FAM227B: variants seen among roughly 807,000 people sequenced by gnomAD.
FAM227B encodes family with sequence similarity 227 member B, also known as protein FAM227B.
In FAM227B, 88 loss-of-function variants were observed where a neutral mutation model predicts 73.8. The observed-to-expected ratio is 1.19, with a 90% confidence interval of 1.00 to 1.42. The LOEUF is 1.42. Among genes scored for constraint, FAM227B ranks in the 40% most tolerant of loss-of-function variants. The pLI is 0.00. For missense variants in FAM227B, 632 were observed against 590.9 expected (o/e 1.07, Z -0.72); for synonymous variants, 210 against 190.5 (o/e 1.10, Z -0.84).
At chr15:49,355,364 A>G (rs902492566) in intron 13 of FAM227B, among the ~76,000 whole-genome samples, 6 of 152,218 alleles carry the variant, frequency 3.9e-5, no homozygotes, top group Non-Finnish European at 8.8e-5. Context: ...AGTATGTATA[A>G]CTAGAATAAC....
At chr15:49,457,024 T>C (rs2053361757) in intron 11 of FAM227B, among the ~76,000 whole-genome samples, 1 of 152,084 alleles carries the variant, frequency 6.6e-6, no homozygotes, top group Non-Finnish European at 1.5e-5. Flanking sequence ...TGAATCTAGA[T>C]TTAAAGCCAT....
chr15:49,352,729 C>T (rs915730625), intron 13 of FAM227B, among the ~76,000 whole-genome samples: 2 of 152,116 alleles, frequency 1.3e-5, no homozygotes, highest in African/African-American at 4.8e-5. Flanking sequence ...CATCACAGCG[C>T]ACTTCAAGAC....
chr15:49,367,702 C>T, intron 12 of FAM227B, 94 bp from the exon 13 acceptor site: 1 of 1,151,536 alleles, frequency 8.7e-7, no homozygotes, highest in Middle Eastern at 2.8e-4. Context: ...CATAAAGTTA[C>T]CATTTGATAT....
intron 11 of FAM227B, among the ~76,000 whole-genome samples, chr15:49,479,699 C>T (rs1369646215): frequency 4.6e-4 from 69 of 149,498 alleles, no homozygotes; most frequent in African/African-American, 1.6e-3. Context: ...CTGCAACCTC[C>T]GCCTCCCAGG....
Position 49,367,547 on chromosome 15 carries a change from C to CTCTG in FAM227B, c.1168_1171dup (p.Ser391ThrfsTer10). The stretch of plus-strand genomic sequence containing the variant: ...CTTAAGATAATATAAAATCAATGGA[C>CTCTG]TCTGACCTCCAAAATTGAAGAGAAC... On this transcript the variant is annotated frameshift_variant, in exon 13 of 16. Coordinates refer to ENST00000299338, the MANE Select transcript of FAM227B (RefSeq NM_152647.3). LOFTEE classifies it high-confidence loss of function. The CTCTG allele has an allele frequency of 6.2e-7, 1 of 1,606,200 alleles. No homozygotes were observed. The highest frequency in any genetic ancestry group is 8.5e-7 in the Non-Finnish European group (1 of 1,178,266).
chr15:49,465,314 T>C (rs1214429297), intron 11 of FAM227B, among the ~76,000 whole-genome samples: 1 of 151,062 alleles, frequency 6.6e-6, no homozygotes, highest in African/African-American at 2.4e-5. Context: ...CTTTTTTTTT[T>C]TTTTGGTAGA....
At chr15:49,396,676 T>C (rs1197272728) in intron 11 of FAM227B, among the ~76,000 whole-genome samples, 1 of 151,596 alleles carries the variant, frequency 6.6e-6, no homozygotes. Context: ...CCTCCTCAAG[T>C]GGGTCCCTGA....
chr15:49,399,283 C>A (rs1367274329), intron 11 of FAM227B, among the ~76,000 whole-genome samples: 1 of 127,886 alleles, frequency 7.8e-6, no homozygotes, highest in Non-Finnish European at 1.7e-5. Context: ...CATACACTCT[C>A]CCAAGACTAA....
chr15:49,552,839 T>A (rs2073196528), intron 9 of FAM227B, among the ~76,000 whole-genome samples: 1 of 152,156 alleles, frequency 6.6e-6, no homozygotes, highest in Non-Finnish European at 1.5e-5. Flanking sequence ...ATCTCTTTGT[T>A]AAGTTTATCT....
chr15:49,421,874 A>C (rs1316704706), intron 11 of FAM227B, among the ~76,000 whole-genome samples: 1 of 152,130 alleles, frequency 6.6e-6, no homozygotes, highest in Non-Finnish European at 1.5e-5. Context: ...TCAGCTTTCT[A>C]GCTTTCAACA....
chr15:49,462,092 C>T (rs2053850114), intron 11 of FAM227B, among the ~76,000 whole-genome samples: 1 of 151,938 alleles, frequency 6.6e-6, no homozygotes, highest in African/African-American at 2.4e-5. Flanking sequence ...GTACTCCAGC[C>T]TGGGTGACAG....
At chr15:49,460,945 T>C (rs1007192869) in intron 11 of FAM227B, among the ~76,000 whole-genome samples, 1 of 152,328 alleles carries the variant, frequency 6.6e-6, no homozygotes, top group South Asian at 2.1e-4. Context: ...CAAATTCCAC[T>C]ATGTCAAAGC....
In FAM227B at chr15:49,481,859, T is replaced by A. The variant is rs555575698; in HGVS notation, c.1012+26352A>T. Among the ~76,000 whole-genome samples, 133 of 152,252 alleles carry A rather than the reference T, an allele frequency of 8.7e-4. 5 individuals are homozygous for A. In the South Asian group the frequency reaches 0.026, roughly 30 times the overall value. ...TCTGACTAGTGTTAAGTATAGTATATTGGGAAAAGGGCTTCTATATGCAAC... is the reference window on the plus strand; with the variant it reads ...TCTGACTAGTGTTAAGTATAGTATAATGGGAAAAGGGCTTCTATATGCAAC... On this transcript the variant is annotated intron_variant, in intron 11 of 15. Coordinates refer to ENST00000299338, the MANE Select transcript of FAM227B (RefSeq NM_152647.3).
Position 49,550,602 on chromosome 15 carries a change from C to T in FAM227B, c.748-8796G>A, listed in dbSNP as rs372106856. ...GCAGAGACGCTCCTCACCTCCCAGA[C>T]GGGGTCACGGCCGGGTAGAGGCGCT... On this transcript the variant is annotated intron_variant, in intron 9 of 15. Transcript: ENST00000299338. Among the ~76,000 whole-genome samples the T allele has an allele frequency of 8.6e-3, 1,302 of 150,980 alleles. 26 individuals are homozygous for T. Among genetic ancestry groups the T allele is most frequent in the South Asian group, 0.072 (339 of 4,734 alleles).
At chr15:49,574,691 TTC>T (rs2075337024) in intron 8 of FAM227B, 1 of 165,824 alleles carries the variant, frequency 6.0e-6, no homozygotes, top group East Asian at 1.7e-4. Flanking sequence ...CTAATCAGAA[TTC>T]TCACCTTTCT....
Position 49,529,819 on chromosome 15 carries a change from A to C in FAM227B, c.874+11861T>G, listed in dbSNP as rs184590457. The stretch of plus-strand genomic sequence containing the variant: ...GCACTAATCTTTTCCCAATTTCTGT[A>C]ATTTTGTAACTTGAAGATTGTTATA... On this transcript the variant is annotated intron_variant, in intron 10 of 15. Coordinates refer to ENST00000299338, the MANE Select transcript of FAM227B (RefSeq NM_152647.3). Among the ~76,000 whole-genome samples the C allele has an allele frequency of 5.9e-5, 9 of 151,808 alleles. No homozygotes were observed. The East Asian group carries it at 1.7e-3, about 29-fold the overall frequency.
intron 13 of FAM227B, among the ~76,000 whole-genome samples, chr15:49,355,800 A>C (rs555087477): frequency 1.3e-5 from 2 of 152,180 alleles, no homozygotes; most frequent in African/African-American, 4.8e-5. Flanking sequence ...AGATTCACCA[A>C]AGTTGAAATG....
intron 3 of FAM227B, among the ~76,000 whole-genome samples, chr15:49,610,394 G>A (rs1490998652): frequency 2.2e-5 from 3 of 135,088 alleles, no homozygotes; most frequent in South Asian, 4.9e-4. Flanking sequence ...TCATCTGAGC[G>A]CAATCCTTTC....
At chr15:49,589,345 T>G (rs1377272371) in intron 4 of FAM227B, among the ~76,000 whole-genome samples, 1 of 152,166 alleles carries the variant, frequency 6.6e-6, no homozygotes, top group African/African-American at 2.4e-5. Flanking sequence ...TTCCTAATAC[T>G]CTGTACCTCC....
Sources: allele counts gnomAD v4.1 joint callset (sites outside exome capture counted in the v4.1 genomes callset), GRCh38; gene constraint gnomAD v4.1.1; transcripts MANE v1.5; gene names NCBI Gene and HGNC (gene_info 2026-07-23, HGNC 2026-07-21).